UEVLD: variants seen among roughly 807,000 people sequenced by gnomAD.
UEVLD encodes ubiquitin-conjugating enzyme E2 variant 3.
UEVLD carries 47 observed loss-of-function variants against 58.6 expected under a neutral mutation model. That is an observed-to-expected ratio of 0.80 (90% CI 0.63 to 1.02). UEVLD has a LOEUF of 1.02. Among genes scored for constraint, UEVLD ranks in the 50% least tolerant of loss-of-function variants. The pLI, the probability that UEVLD is intolerant of heterozygous loss-of-function variation, is 0.00. For missense variants in UEVLD, 510 were observed against 550.6 expected (o/e 0.93, Z 0.74); for synonymous variants, 197 against 195.3 (o/e 1.01, Z -0.07).
In UEVLD at chr11:18,578,218, T is replaced by C. The variant is rs143233879; in HGVS notation, c.127+506A>G. Reference sequence around the variant, plus strand: ...ATTGGTCCTTAAAAGCAGAGAATCTTTCCCAGCTGTGGTCAGAGGGCGATT... The same window carrying C: ...ATTGGTCCTTAAAAGCAGAGAATCTCTCCCAGCTGTGGTCAGAGGGCGATT... On this transcript the variant is annotated intron_variant, in intron 2 of 11. Transcript: ENST00000396197. 2.0e-5 allele frequency among the ~76,000 whole-genome samples: 3 copies of C among 152,304 alleles called. No individual in the cohort carries two copies. In the East Asian group the frequency reaches 5.8e-4, roughly 29 times the overall value.
chr11:18,588,691 GC>G lies in UEVLD; in HGVS notation c.-38del, dbSNP rs1328374385. On this transcript the variant is annotated 5_prime_UTR_variant, in exon 1 of 12. Coordinates refer to ENST00000396197, the MANE Select transcript of UEVLD (RefSeq NM_001040697.4). Reference sequence around the variant, plus strand: ...TCCCGAGCTAGGTCCCAGGACTCCAGCCCCCGGACCTTCTTCCGGACTTGCT... The same window carrying G: ...TCCCGAGCTAGGTCCCAGGACTCCAGCCCCGGACCTTCTTCCGGACTTGCT... 1 of 1,601,694 alleles carries G rather than the reference GC, an allele frequency of 6.2e-7. No homozygotes were observed.
intron 2 of UEVLD, among the ~76,000 whole-genome samples, chr11:18,577,185 A>G (rs1024187160): frequency 3.3e-5 from 5 of 152,204 alleles, no homozygotes; most frequent in African/African-American, 1.2e-4. Flanking sequence ...CTACGTCTCA[A>G]CAAACCAACC....
rs551294596 is a variant in UEVLD at position 18,537,851 on chromosome 11, C to A, written c.1061-1382G>T. On this transcript the variant is annotated intron_variant, in intron 9 of 11. Coordinates refer to ENST00000396197, the MANE Select transcript of UEVLD (RefSeq NM_001040697.4). ...CTAATTTTTGTATTTTTAGTAGAGA[C>A]AGGATTTCACCATGTTGGCCAGGCT... Among the ~76,000 whole-genome samples, 408 of 151,742 alleles carry A rather than the reference C, an allele frequency of 2.7e-3. 1 individual carries two copies. Among genetic ancestry groups the A allele is most frequent in the Non-Finnish European group, 4.7e-3 (318 of 67,884 alleles).
chr11:18,548,651 T>C (rs1851395669), intron 7 of UEVLD, among the ~76,000 whole-genome samples: 1 of 152,166 alleles, frequency 6.6e-6, no homozygotes, highest in Admixed American at 6.5e-5. Context: ...GGTCTCGAAC[T>C]CCCAACCTCA....
At chr11:18,571,984 C>T (rs1852643620) in intron 3 of UEVLD, among the ~76,000 whole-genome samples, 1 of 152,142 alleles carries the variant, frequency 6.6e-6, no homozygotes, top group Non-Finnish European at 1.5e-5. Flanking sequence ...CGTCTGTAAT[C>T]CCAGCACTTT....
chr11:18,581,933 C>T (rs1253604484), intron 1 of UEVLD, among the ~76,000 whole-genome samples: 1 of 152,058 alleles, frequency 6.6e-6, no homozygotes, highest in Non-Finnish European at 1.5e-5. Context: ...CAGCACTGAG[C>T]ATCAAAACTA....
intron 1 of UEVLD, among the ~76,000 whole-genome samples, chr11:18,583,324 A>G (rs1853352238): frequency 1.3e-5 from 2 of 150,828 alleles, no homozygotes; most frequent in Non-Finnish European, 2.9e-5. Context: ...GGGTTCAAGC[A>G]ATTCTCCTGC....
chr11:18,582,405 C>CTTTT lies in UEVLD; in HGVS notation c.43-3601_43-3598dup, dbSNP rs773719146. Reference sequence around the variant, plus strand: ...TTATCTGTCCCAAGGAAAATATTAGCTTTTTTTTTTTTTTTTTTTGGAGAC... The same window carrying CTTTT: ...TTATCTGTCCCAAGGAAAATATTAGCTTTTTTTTTTTTTTTTTTTTTTTGGAGAC... On this transcript the variant is annotated intron_variant, in intron 1 of 11. Transcript: ENST00000396197. 2.8e-4 allele frequency among the ~76,000 whole-genome samples: 21 copies of CTTTT among 75,652 alleles called. No homozygotes were observed. The East Asian group carries it at 5.6e-3, about 20-fold the overall frequency. The allele number at this position is 75,652 out of a possible 152,430, so 49.6% of individuals were successfully genotyped here. A position where few individuals can be genotyped will look rare whatever the true frequency, so the allele number is the denominator to read the frequency against.
intron 2 of UEVLD, among the ~76,000 whole-genome samples, chr11:18,576,827 C>A (rs945399332): frequency 2.6e-5 from 4 of 152,160 alleles, no homozygotes; most frequent in Non-Finnish European, 5.9e-5. Flanking sequence ...GGCTTCCCCC[C>A]ACCCACCAAG....
rs868369137 is a variant in UEVLD, at chr11:18,562,445, G to C, written c.612+2447C>G. Among the ~76,000 whole-genome samples, 4 of 152,036 alleles carry C rather than the reference G, an allele frequency of 2.6e-5. No individual in the cohort carries two copies. The South Asian group carries it at 8.3e-4, about 32-fold the overall frequency. ...TAATCCCAGCTACTCGGGAGGCTGA[G>C]GTAGGAGAATCACTTGAACCCGGGA... On this transcript the variant is annotated intron_variant, in intron 6 of 11. Transcript: ENST00000396197.
chr11:18,579,371 C>T (rs1005389751), intron 1 of UEVLD: 28 of 847,008 alleles, frequency 3.3e-5, no homozygotes, highest in Middle Eastern at 6.1e-4. Context: ...TAGTGAAGCC[C>T]GAGCTCAAAT....
intron 9 of UEVLD, among the ~76,000 whole-genome samples, chr11:18,536,963 T>C (rs925594294): frequency 4.0e-5 from 6 of 150,014 alleles, no homozygotes; most frequent in Non-Finnish European, 5.9e-5. Flanking sequence ...TGGCATGATC[T>C]TGGCTCACTG....
At chr11:18,574,919 C>A (rs1331145737) in intron 3 of UEVLD, among the ~76,000 whole-genome samples, 2 of 152,170 alleles carry the variant, frequency 1.3e-5, no homozygotes, top group Non-Finnish European at 2.9e-5. Flanking sequence ...TCCCCAAGGG[C>A]AGGCCTATGT....
chr11:18,584,682 G>C (rs1239949963), intron 1 of UEVLD, among the ~76,000 whole-genome samples: 1 of 152,134 alleles, frequency 6.6e-6, no homozygotes, highest in Admixed American at 6.5e-5. Flanking sequence ...GCCCAGGCTG[G>C]AGTGCAGTGG....
chr11:18,537,012 C>T (rs1259887730), intron 9 of UEVLD, among the ~76,000 whole-genome samples: 2 of 151,204 alleles, frequency 1.3e-5, no homozygotes, highest in African/African-American at 2.4e-5. Flanking sequence ...TCTCACGCCT[C>T]AGCCTCCCGA....
At chr11:18,552,842 G>GT in intron 7 of UEVLD, among the ~76,000 whole-genome samples, 1 of 150,822 alleles carries the variant, frequency 6.6e-6, no homozygotes, top group East Asian at 2.0e-4. Flanking sequence ...GCCTGAATGA[G>GT]TGAGACTTGG....
intron 7 of UEVLD, among the ~76,000 whole-genome samples, chr11:18,551,211 G>A (rs898365894): frequency 3.9e-5 from 6 of 151,974 alleles, no homozygotes; most frequent in South Asian, 2.1e-4. Flanking sequence ...GGCGGATCAC[G>A]AGGTCAGGAG....
At chr11:18,563,119 C>T (rs900308211) in intron 6 of UEVLD, among the ~76,000 whole-genome samples, 1 of 149,098 alleles carries the variant, frequency 6.7e-6, no homozygotes, top group Non-Finnish European at 1.5e-5. Context: ...AAAAAAAAGA[C>T]AAATAATTAC....
rs373428351 is a variant in UEVLD at position 18,582,201 on chromosome 11, G to T, written c.43-3393C>A. On this transcript the variant is annotated intron_variant, in intron 1 of 11. Coordinates refer to ENST00000396197, the MANE Select transcript of UEVLD (RefSeq NM_001040697.4). The stretch of plus-strand genomic sequence containing the variant: ...ACATGATTATTAATAGCTATATAAG[G>T]CTACACTAGAATTGATTTAATTGCA... Among the ~76,000 whole-genome samples the T allele has an allele frequency of 2.0e-5, 3 of 151,970 alleles. No individual in the cohort carries two copies. The South Asian group carries it at 6.2e-4, about 32-fold the overall frequency.
Sources: gnomAD v4.1 joint callset for allele counts (sites outside exome capture counted in the v4.1 genomes callset) on GRCh38, gnomAD v4.1.1 for gene constraint, MANE v1.5 for transcripts, NCBI Gene and HGNC (gene_info 2026-07-23, HGNC 2026-07-21) for gene names.